CAMK1: variants seen among roughly 807,000 people sequenced by gnomAD.
The protein encoded by CAMK1 is calcium/calmodulin-dependent protein kinase type 1.
A neutral mutation model predicts 49.1 loss-of-function variants in CAMK1; 39 were observed. The observed-to-expected ratio is 0.79, with a 90% CI of 0.62 to 1.04. CAMK1 has a LOEUF of 1.04. Among genes scored for constraint, CAMK1 ranks in the 50% least tolerant of loss-of-function variants. The pLI, the probability that CAMK1 is intolerant of heterozygous loss-of-function variation, is 0.00. For missense variants in CAMK1, 457 were observed against 472.2 expected, an observed-to-expected ratio of 0.97 and a Z score of 0.30; for synonymous variants, 192 against 185.2, an observed-to-expected ratio of 1.04 and a Z score of -0.30.
At chr3:9,760,799 A>G (rs748791479) in intron 7 of CAMK1, 31 bp from the exon 8 acceptor site, 10 of 1,613,150 alleles carry the variant, frequency 6.2e-6, no homozygotes, top group Non-Finnish European at 7.6e-6. Context: ...CCTCATTTCC[A>G]CTTTCGGGTG....
rs142562247 is a variant in CAMK1, at chr3:9,767,711, C to T, written c.39G>A (p.Ala13=). The change falls in exon 2 of 12, where the codon GCG becomes GCA. Residue 13 remains alanine (A), a synonymous_variant. Coordinates refer to ENST00000256460, the MANE Select transcript of CAMK1 (RefSeq NM_003656.5). ...AGTCGTAGATGTCTCTAATGTCCTC[C>T]GCCTGCTTCCACCTGGGGCCTTCCA... ...GAVEGPRWKQ[A]EDIRDIYDFR... The T allele has an allele frequency of 4.5e-5, 73 of 1,614,182 alleles. No homozygotes were observed. Among genetic ancestry groups the T allele is most frequent in the African/African-American group, 3.6e-4 (27 of 75,044 alleles).
chr3:9,763,101 G>A (rs1308161635), intron 4 of CAMK1, 38 bp downstream of exon 4: 1 of 1,614,036 alleles, frequency 6.2e-7, no homozygotes, highest in Admixed American at 1.7e-5. Flanking sequence ...GGACAGCTGG[G>A]AGAGGTGTGG....
At chr3:9,765,086 G>T (rs1278544875) in intron 3 of CAMK1, among the ~76,000 whole-genome samples, 1 of 151,852 alleles carries the variant, frequency 6.6e-6, no homozygotes, top group East Asian at 2.0e-4. Context: ...AATTAGCCGG[G>T]CGTGGTGGCA....
intron 6 of CAMK1, 29 bp from the exon 7 acceptor site, chr3:9,761,565 C>CAA: frequency 6.2e-7 from 1 of 1,613,146 alleles, no homozygotes; most frequent in Non-Finnish European, 8.5e-7. Context: ...GTGGTGGTGA[C>CAA]AAATCTCTGC....
chr3:9,764,628 G>GTTTTTTTTTTTTTTT (rs55972033), intron 3 of CAMK1, among the ~76,000 whole-genome samples: 2 of 92,334 alleles, frequency 2.2e-5, no homozygotes, highest in Non-Finnish European at 4.1e-5. Flanking sequence ...TTTTTTTTTT[G>GTTTTTTTTTTTTTTT]TTTTTTTTTT....
In CAMK1 at chr3:9,769,901, C is replaced by G. The variant is rs1174522621; in HGVS notation, c.-102G>C. On this transcript the variant is annotated 5_prime_UTR_variant, in exon 1 of 12. Transcript: ENST00000256460. Reference sequence around the variant, plus strand: ...TTGGCGCCGAGCTGTGGCCGCGGTCCTCACCGCTGCGTGCCTGGGCCACCC... The same window carrying G: ...TTGGCGCCGAGCTGTGGCCGCGGTCGTCACCGCTGCGTGCCTGGGCCACCC... 4 of 152,358 alleles carry G rather than the reference C, an allele frequency of 2.6e-5. No individual in the cohort carries two copies. Among genetic ancestry groups the G allele is most frequent in the Middle Eastern group, 3.4e-3 (1 of 292 alleles). The allele number at this position is 152,358 out of a possible 1,614,324, so 9.4% of individuals were successfully genotyped here. A position where few individuals can be genotyped will look rare whatever the true frequency, so the allele number is the denominator to read the frequency against.
At chr3:9,759,176 T>A in intron 10 of CAMK1, 1 of 1,606,744 alleles carries the variant, frequency 6.2e-7, no homozygotes, top group Non-Finnish European at 8.5e-7. Context: ...TAATTCCTAC[T>A]TAACTGACAG....
rs890827400 is a variant in CAMK1 at position 9,767,481 on chromosome 3, G to A, written c.83+186C>T. ...TCTCTTCAAGAACCCAGGGCTATTG[G>A]GAGAGCAGCCCGTGTCCCACCCACT... is the stretch of plus-strand genomic sequence containing the variant. On this transcript the variant is annotated intron_variant, in intron 2 of 11. Transcript: ENST00000256460. 5.9e-5 allele frequency among the ~76,000 whole-genome samples: 9 copies of A among 152,184 alleles called. 1 individual carries two copies. Among genetic ancestry groups the A allele is most frequent in the Non-Finnish European group, 1.3e-4 (9 of 68,028 alleles).
At chr3:9,759,970 C>T (rs1363824882) in intron 8 of CAMK1, 4 of 590,706 alleles carry the variant, frequency 6.8e-6, no homozygotes, top group Non-Finnish European at 1.2e-5. Flanking sequence ...TGGCCGGGCA[C>T]AGTGGCTCAT....
At chr3:9,762,658 T>C (rs2077939875) in intron 5 of CAMK1, among the ~76,000 whole-genome samples, 1 of 152,142 alleles carries the variant, frequency 6.6e-6, no homozygotes, top group Non-Finnish European at 1.5e-5. Context: ...AGCCATCCTG[T>C]CTGGCCAGAT....
intron 8 of CAMK1, 128 bp downstream of exon 8, chr3:9,760,528 T>C: frequency 1.1e-6 from 1 of 902,524 alleles, no homozygotes; most frequent in South Asian, 1.5e-5. Context: ...GTGTCTGGTC[T>C]CGAAGACAGC....
rs536063601 is a variant in CAMK1 at position 9,757,764 on chromosome 3, G to A, written c.995C>T (p.Ala332Val). ...GTSQEGQGQT[A>V]SHGELLTPVA... is the part of the protein sequence containing the mutation. ...TGGTGTCAGCAGCTCCCCATGGCTCGCCGTCTGCCCCTGCCCCTCCTGGCT... is the reference window on the plus strand; with the variant it reads ...TGGTGTCAGCAGCTCCCCATGGCTCACCGTCTGCCCCTGCCCCTCCTGGCT... The change falls in exon 11 of 12, where the codon GCG (alanine) becomes GTG (valine). Residue 332 changes from alanine to valine, a missense_variant. Transcript: ENST00000256460. This position sits in a 1 kb window ranked among gnomAD's most constrained non-coding sequence, Gnocchi z 4.5. The A allele has an allele frequency of 2.7e-5, 44 of 1,613,698 alleles. No homozygotes were observed. Among genetic ancestry groups the A allele is most frequent in the Admixed American group, 1.5e-4 (9 of 60,014 alleles).
Position 9,759,749 on chromosome 3 carries a change from G to A in CAMK1, c.747C>T (p.Ala249=), listed in dbSNP as rs2077757232. The A allele has an allele frequency of 6.2e-7, 1 of 1,614,064 alleles. No homozygotes were observed. Among genetic ancestry groups the A allele is most frequent in the Non-Finnish European group, 8.5e-7 (1 of 1,180,016 alleles). Residue 249 remains alanine (A), a splice_region_variant and synonymous_variant, in exon 9 of 12, where the codon GCC becomes GCT. Transcript: ENST00000256460. ...CCATCAAGTGCCGGATGAAATCTTTGGCTAAACCCCCAAGACAAAAGCAAA... is the reference window on the plus strand; with the variant it reads ...CCATCAAGTGCCGGATGAAATCTTTAGCTAAACCCCCAAGACAAAAGCAAA... ...SPYWDDISDS[A]KDFIRHLMEK... is the part of the protein sequence containing the mutation.
intron 5 of CAMK1, 130 bp downstream of exon 5, chr3:9,762,784 A>C: frequency 1.2e-6 from 1 of 858,922 alleles, no homozygotes; most frequent in Non-Finnish European, 1.9e-6. Flanking sequence ...TAAAGGTTAC[A>C]AGATCCACTT....
Position 9,761,315 on chromosome 3 carries a change from A to T in CAMK1, c.632+146T>A, listed in dbSNP as rs191275029. 5.4e-5 allele frequency: 42 copies of T among 784,908 alleles called. 1 individual carries two copies. The African/African-American group carries it at 7.0e-4, about 13-fold the overall frequency. 48.6% of individuals were successfully genotyped at this position (784,908 alleles called of 1,614,324 possible). On this transcript the variant is annotated intron_variant, in intron 7 of 11. Transcript: ENST00000256460. Reference sequence around the variant, plus strand: ...GTGCTTGAAACATAGTATCTATTGAATGAAGTAATACTGGTAATTGATTGG... The same window carrying T: ...GTGCTTGAAACATAGTATCTATTGATTGAAGTAATACTGGTAATTGATTGG...
intron 3 of CAMK1, 37 bp downstream of exon 3, chr3:9,765,722 G>A (rs764312016): frequency 1.9e-6 from 3 of 1,609,948 alleles, no homozygotes; most frequent in Non-Finnish European, 2.5e-6. Context: ...CCAAGGCAGG[G>A]TCAGCTTGGG....
intron 8 of CAMK1, 41 bp downstream of exon 8, chr3:9,760,615 C>G: frequency 6.2e-7 from 1 of 1,609,028 alleles, no homozygotes; most frequent in Non-Finnish European, 8.5e-7. Flanking sequence ...AGGGAGGAAC[C>G]AGAGGCAGGG....
At chr3:9,767,151 T>C (rs1025275087) in intron 2 of CAMK1, among the ~76,000 whole-genome samples, 4 of 152,172 alleles carry the variant, frequency 2.6e-5, no homozygotes, top group Middle Eastern at 3.2e-3. Context: ...CCAGCTCTAA[T>C]GCCCCATTCT....
intron 7 of CAMK1, 79 bp from the exon 8 acceptor site, chr3:9,760,847 G>C: frequency 5.0e-6 from 8 of 1,590,666 alleles, no homozygotes; most frequent in Non-Finnish European, 6.8e-6. Context: ...GCAGTCTCAG[G>C]GGTCAGGCAG....
Sources: allele counts gnomAD v4.1 joint callset (sites outside exome capture counted in the v4.1 genomes callset), GRCh38; gene constraint gnomAD v4.1.1; non-coding constraint Gnocchi (gnomAD v3.1); transcripts MANE v1.5; gene names NCBI Gene and HGNC (gene_info 2026-07-23, HGNC 2026-07-21).